TENM2: variants seen among roughly 807,000 people sequenced by gnomAD.
The protein encoded by TENM2 is teneurin transmembrane protein 2.
In TENM2, 52 loss-of-function variants were observed where a neutral mutation model predicts 245.2. The observed-to-expected ratio is 0.21, with a 90% CI of 0.17 to 0.27. The LOEUF (loss-of-function observed/expected upper bound fraction) is 0.27. Among genes scored for constraint, TENM2 ranks in the 10% least tolerant of loss-of-function variants. TENM2 has a pLI of 1.00. For missense variants in TENM2, 3,046 were observed against 3,666.8 expected (o/e 0.83, Z 4.37); for synonymous variants, 1,363 against 1,438.9 (o/e 0.95, Z 1.19).
chr5:167,198,708 G>C, the TENM2 span, among the ~76,000 whole-genome samples: 1 of 151,948 alleles, frequency 6.6e-6, no homozygotes, highest in African/African-American at 2.4e-5. Context: ...CTCCCTGTCC[G>C]GTCCCAGCTG....
the TENM2 span, among the ~76,000 whole-genome samples, chr5:167,261,500 ACAT>A: frequency 6.6e-6 from 1 of 152,060 alleles, no homozygotes. Flanking sequence ...GTCATCATTA[ACAT>A]CATCATCATC....
intron 2 of TENM2, among the ~76,000 whole-genome samples, chr5:167,550,695 TGTTAGTG>T (rs1298029114): frequency 7.9e-6 from 1 of 126,396 alleles, no homozygotes; most frequent in African/African-American, 3.1e-5. Flanking sequence ...TTTTTGTTGT[TGTTAGTG>T]TGTGTGTGTG....
chr5:167,077,172 A>C, the TENM2 span, among the ~76,000 whole-genome samples: 1 of 152,204 alleles, frequency 6.6e-6, no homozygotes, highest in Non-Finnish European at 1.5e-5. Flanking sequence ...GCAATACTAC[A>C]TATTTCACAA....
chr5:167,854,303 T>G (rs1770871290), intron 2 of TENM2, among the ~76,000 whole-genome samples: 1 of 152,178 alleles, frequency 6.6e-6, no homozygotes, highest in South Asian at 2.1e-4. Context: ...AGACCAAAAT[T>G]AATTTACTAC....
chr5:168,196,474 T>C (rs925704754), intron 15 of TENM2, among the ~76,000 whole-genome samples: 1 of 152,210 alleles, frequency 6.6e-6, no homozygotes, highest in African/African-American at 2.4e-5. Context: ...TGTTTGTTTG[T>C]TTTTGAGACG....
At chr5:166,989,268 T>C in the TENM2 span, among the ~76,000 whole-genome samples, 1 of 141,330 alleles carries the variant, frequency 7.1e-6, no homozygotes, top group African/African-American at 2.7e-5. Context: ...TTTTTTTTTT[T>C]TTTTTTTTTT....
the TENM2 span, among the ~76,000 whole-genome samples, chr5:167,057,194 T>C: frequency 6.6e-6 from 1 of 152,184 alleles, no homozygotes; most frequent in East Asian, 1.9e-4. Context: ...ATTTTTTTCC[T>C]GAAATTTGCA....
chr5:167,907,417 T>TAACAC (rs1333987362), intron 3 of TENM2, among the ~76,000 whole-genome samples: 1 of 150,214 alleles, frequency 6.7e-6, no homozygotes, highest in Admixed American at 6.6e-5. Flanking sequence ...TGGTCACTAA[T>TAACAC]AACACTAACT....
At chr5:167,141,569 A>G in the TENM2 span, among the ~76,000 whole-genome samples, 1 of 152,176 alleles carries the variant, frequency 6.6e-6, no homozygotes, top group Admixed American at 6.5e-5. Flanking sequence ...TGTTTAAATA[A>G]CCATCACCAC....
intron 4 of TENM2, among the ~76,000 whole-genome samples, chr5:167,972,149 C>T (rs1781840274): frequency 6.6e-6 from 1 of 152,126 alleles, no homozygotes; most frequent in African/African-American, 2.4e-5. Context: ...TACACATTCT[C>T]TTGGTAAAAT....
chr5:167,427,045 G>A (rs1042854770), intron 2 of TENM2, among the ~76,000 whole-genome samples: 5 of 152,002 alleles, frequency 3.3e-5, no homozygotes, highest in African/African-American at 9.7e-5. Context: ...GGATGCCTTC[G>A]TGTGTTCAGT....
At chr5:167,547,329 C>T (rs374688064) in intron 2 of TENM2, among the ~76,000 whole-genome samples, 1 of 152,144 alleles carries the variant, frequency 6.6e-6, no homozygotes, top group Non-Finnish European at 1.5e-5. Context: ...CCTCAGCACC[C>T]CAAAGTGCTG....
intron 2 of TENM2, among the ~76,000 whole-genome samples, chr5:167,829,055 A>T (rs997629215): frequency 1.3e-5 from 2 of 152,126 alleles, no homozygotes; most frequent in Non-Finnish European, 2.9e-5. Flanking sequence ...TGCTACTGAG[A>T]GTGTTGTGCT....
chr5:167,716,959 T>C (rs139047680), intron 2 of TENM2, among the ~76,000 whole-genome samples: 1,795 of 131,054 alleles, frequency 0.014, 32 homozygotes, highest in African/African-American at 0.039. Flanking sequence ...CTATTCTATT[T>C]TATTTTATTT....
the TENM2 span, among the ~76,000 whole-genome samples, chr5:167,242,574 A>G: frequency 2.8e-3 from 429 of 152,260 alleles, 1 homozygote; most frequent in South Asian, 9.8e-3. Flanking sequence ...AGCCTACTCT[A>G]TGAGAAGATG....
chr5:167,131,496 G>C, the TENM2 span, among the ~76,000 whole-genome samples: 1 of 152,130 alleles, frequency 6.6e-6, no homozygotes, highest in Non-Finnish European at 1.5e-5. Context: ...GGGACACCTA[G>C]GCTCCAGTCT....
At chr5:167,869,406 C>A (rs1356113974) in intron 2 of TENM2, among the ~76,000 whole-genome samples, 2 of 152,156 alleles carry the variant, frequency 1.3e-5, no homozygotes, top group Non-Finnish European at 2.9e-5. Context: ...GAGTTCAAAT[C>A]TTGATTCTTA....
chr5:168,059,647 C>T (rs947907431), intron 6 of TENM2, among the ~76,000 whole-genome samples: 1 of 151,592 alleles, frequency 6.6e-6, no homozygotes, highest in African/African-American at 2.4e-5. Flanking sequence ...TTTATTATAT[C>T]CCTTCCCCAA....
chr5:167,513,831 A>G (rs1386710804), intron 2 of TENM2, among the ~76,000 whole-genome samples: 1 of 152,146 alleles, frequency 6.6e-6, no homozygotes, highest in African/African-American at 2.4e-5. Flanking sequence ...TCCTATTGTT[A>G]GCTGTGCTAT....
Sources: gnomAD v4.1 joint callset for allele counts (sites outside exome capture counted in the v4.1 genomes callset) on GRCh38, gnomAD v4.1.1 for gene constraint, MANE v1.5 for transcripts, NCBI Gene and HGNC (gene_info 2026-07-23, HGNC 2026-07-21) for gene names.